The following BCAR3 variants were observed in gnomAD, a reference collection of about 807,000 sequenced individuals.
The protein encoded by BCAR3 is breast cancer anti-estrogen resistance protein 3.
BCAR3 carries 37 observed loss-of-function variants against 80.1 expected under a neutral mutation model. The ratio of observed to expected loss-of-function variants is 0.46; its 90% CI spans 0.36 to 0.61. BCAR3 has a LOEUF of 0.61. Among genes scored for constraint, BCAR3 ranks in the 20% least tolerant of loss-of-function variants. The probability of loss-of-function intolerance (pLI) is 0.00; values close to 1 mark genes in which losing one functional copy is unlikely to be tolerated. For synonymous variants in BCAR3, 389 were observed against 418.9 expected, an observed-to-expected ratio of 0.93 and a Z score of 0.87; for missense variants, 978 against 1,068.2, an observed-to-expected ratio of 0.92 and a Z score of 1.18.
intron 2 of BCAR3, among the ~76,000 whole-genome samples, chr1:93,659,964 T>C (rs1025796175): frequency 7.2e-5 from 11 of 152,188 alleles, no homozygotes; most frequent in Non-Finnish European, 1.5e-4. Flanking sequence ...CTTACTGGAC[T>C]ATGAGCTCAC....
chr1:93,697,486 C>T (rs978713819), intron 3 of BCAR3, among the ~76,000 whole-genome samples: 8 of 152,172 alleles, frequency 5.3e-5, no homozygotes, highest in African/African-American at 1.2e-4. Flanking sequence ...GACTTGGGGA[C>T]GCACTCTCTT....
At chr1:93,623,881 C>T (rs1040975188) in intron 3 of BCAR3, among the ~76,000 whole-genome samples, 1 of 152,152 alleles carries the variant, frequency 6.6e-6, no homozygotes, top group African/African-American at 2.4e-5. Flanking sequence ...ACTGATGTTA[C>T]ATGAAAACAT....
chr1:93,661,791 A>G (rs779754881), intron 2 of BCAR3, among the ~76,000 whole-genome samples: 4 of 152,208 alleles, frequency 2.6e-5, no homozygotes, highest in Non-Finnish European at 5.9e-5. Flanking sequence ...GCCCAGCCCC[A>G]ATGTAGCTTT....
At position 93,642,756 on chromosome 1, in the gene BCAR3, C is replaced by T. The variant is rs146426279; in HGVS notation, c.318-413G>A. On this transcript the variant is annotated intron_variant, in intron 2 of 11. Coordinates refer to ENST00000260502, the MANE Select transcript of BCAR3 (RefSeq NM_003567.4). ...CGTCCCCACCAGTAACTGTGTTGTG[C>T]CCACATTGACAGTAAGAAGAGAGAG... 6.0e-3 allele frequency among the ~76,000 whole-genome samples: 912 copies of T among 152,278 alleles called. 2 individuals carry two copies. Among genetic ancestry groups the T allele is most frequent in the Middle Eastern group, 0.02 (6 of 294 alleles).
chr1:93,592,933 G>C lies in BCAR3; in HGVS notation c.358-540C>G, dbSNP rs1159796247. Among the ~76,000 whole-genome samples, 1 of 152,220 alleles carries C rather than the reference G, an allele frequency of 6.6e-6. No homozygotes were observed. The highest frequency in any genetic ancestry group is 1.9e-4 in the East Asian group (1 of 5,202). ...GAAACTTTTAGGGCAAATGGACAGA[G>C]CAATTTTATGTCTCTTGAATCTAAT... On this transcript the variant is annotated intron_variant, in intron 3 of 11. Coordinates refer to ENST00000260502, the MANE Select transcript of BCAR3 (RefSeq NM_003567.4). The surrounding 1 kb of genome is among the most constrained non-coding windows in gnomAD (Gnocchi z 4.8).
chr1:93,761,661 C>T (rs1396487731), intron 2 of BCAR3, among the ~76,000 whole-genome samples: 2 of 152,200 alleles, frequency 1.3e-5, no homozygotes, highest in East Asian at 1.9e-4. Flanking sequence ...CCACGGCAAA[C>T]CCCCGAGCTC....
chr1:93,763,638 C>G (rs978151346), intron 2 of BCAR3, among the ~76,000 whole-genome samples: 5 of 152,178 alleles, frequency 3.3e-5, no homozygotes, highest in African/African-American at 1.2e-4. Context: ...GTTCTCCAGT[C>G]TTCTTAGCTC....
intron 3 of BCAR3, among the ~76,000 whole-genome samples, chr1:93,624,938 C>T (rs570534419): frequency 6.6e-6 from 1 of 152,218 alleles, no homozygotes; most frequent in South Asian, 2.1e-4. Context: ...CGGCCAGGCG[C>T]GGTGGCTCAT....
chr1:93,748,565 G>T (rs1651437084), intron 2 of BCAR3, among the ~76,000 whole-genome samples: 1 of 152,124 alleles, frequency 6.6e-6, no homozygotes, highest in Non-Finnish European at 1.5e-5. Context: ...TTAATTTCTG[G>T]CTCTTCATTA....
chr1:93,644,304 A>G (rs983630584), intron 2 of BCAR3, among the ~76,000 whole-genome samples: 1 of 152,362 alleles, frequency 6.6e-6, no homozygotes, highest in East Asian at 1.9e-4. Flanking sequence ...GACAGCCACT[A>G]TAAGACTTCA....
chr1:93,568,351 CA>C (rs1168905020), intron 9 of BCAR3, among the ~76,000 whole-genome samples: 7 of 152,160 alleles, frequency 4.6e-5, no homozygotes, highest in Admixed American at 4.6e-4. Context: ...CCAGAGATGG[CA>C]ACTCTCTTCA....
In BCAR3 at chr1:93,575,998, G is replaced by A. The variant is rs1673440633; in HGVS notation, c.1802+16C>T. ...GAGCTGGGAGGGTCGGAAGTGCAGA[G>A]GACGGCACTGCTCACCTTTCAATTA... On this transcript the variant is annotated intron_variant, in intron 8 of 11. Coordinates refer to ENST00000260502, the MANE Select transcript of BCAR3 (RefSeq NM_003567.4). 2 of 1,607,720 alleles carry A rather than the reference G, an allele frequency of 1.2e-6. No homozygotes were observed. Among genetic ancestry groups the A allele is most frequent in the Non-Finnish European group, 1.7e-6 (2 of 1,174,336 alleles).
intron 2 of BCAR3, among the ~76,000 whole-genome samples, chr1:93,743,059 A>G (rs981197250): frequency 5.9e-5 from 9 of 152,244 alleles, no homozygotes; most frequent in Admixed American, 2.0e-4. Flanking sequence ...TTGAATCATA[A>G]GCAGTCAAAT....
chr1:93,595,169 T>C (rs1674372362), intron 3 of BCAR3, among the ~76,000 whole-genome samples: 1 of 151,994 alleles, frequency 6.6e-6, no homozygotes, highest in South Asian at 2.1e-4. Context: ...GAGAGAGAAA[T>C]GAAGATATTA....
chr1:93,664,517 T>C (rs1278411117), intron 2 of BCAR3, among the ~76,000 whole-genome samples: 1 of 152,236 alleles, frequency 6.6e-6, no homozygotes, highest in Non-Finnish European at 1.5e-5. Context: ...CAACTCCTTT[T>C]TCAGGCAGTT....
chr1:93,614,136 C>G (rs940253928), intron 3 of BCAR3: 1 of 1,352,248 alleles, frequency 7.4e-7, no homozygotes, highest in Non-Finnish European at 9.5e-7. Context: ...ACGATCCACT[C>G]GCTCAATTCT....
At chr1:93,726,587 T>A (rs11164967) in intron 2 of BCAR3, among the ~76,000 whole-genome samples, 1 of 152,120 alleles carries the variant, frequency 6.6e-6, no homozygotes, top group African/African-American at 2.4e-5. Context: ...TTAGTACCTT[T>A]GGATAAAGTT....
At chr1:93,655,038 G>A (rs1557641779) in intron 2 of BCAR3, among the ~76,000 whole-genome samples, 1 of 152,210 alleles carries the variant, frequency 6.6e-6, no homozygotes, top group Non-Finnish European at 1.5e-5. Context: ...GTTGCCCAGT[G>A]AGCATTTGCT....
chr1:93,749,462 G>T (rs981284090), intron 2 of BCAR3, among the ~76,000 whole-genome samples: 1 of 151,816 alleles, frequency 6.6e-6, no homozygotes, highest in Non-Finnish European at 1.5e-5. Context: ...GGTGACAGGA[G>T]CCTGTAGTCC....
Sources: allele counts gnomAD v4.1 joint callset (sites outside exome capture counted in the v4.1 genomes callset), GRCh38; gene constraint gnomAD v4.1.1; non-coding constraint Gnocchi (gnomAD v3.1); transcripts MANE v1.5; gene names NCBI Gene and HGNC (gene_info 2026-07-23, HGNC 2026-07-21).